FTO: variants seen among roughly 807,000 people sequenced by gnomAD.
FTO encodes the protein alpha-ketoglutarate-dependent dioxygenase FTO.
FTO carries 47 observed loss-of-function variants against 63.9 expected under a neutral mutation model. The ratio of observed to expected loss-of-function variants is 0.74; its 90% CI spans 0.58 to 0.94. The LOEUF is 0.94. Among genes scored for constraint, FTO ranks in the 40% least tolerant of loss-of-function variants. The pLI is 0.00. For missense variants in FTO, 562 were observed against 618.1 expected (o/e 0.91, Z 0.96); for synonymous variants, 207 against 224.4 (o/e 0.92, Z 0.69).
At chr16:54,068,280 G>GT (rs1185053792) in intron 8 of FTO, among the ~76,000 whole-genome samples, 4 of 151,452 alleles carry the variant, frequency 2.6e-5, no homozygotes, top group Middle Eastern at 3.4e-3. Context: ...CTCTCCCATG[G>GT]TTTTTTCTAG....
chr16:54,100,650 G>A (rs1180308238), intron 8 of FTO, among the ~76,000 whole-genome samples: 1 of 152,200 alleles, frequency 6.6e-6, no homozygotes, highest in Admixed American at 6.5e-5. Context: ...ACTGTGCCAA[G>A]CCTTATTGGC....
chr16:54,078,245 G>A (rs1198080459), intron 8 of FTO, among the ~76,000 whole-genome samples: 1 of 150,854 alleles, frequency 6.6e-6, no homozygotes, highest in Non-Finnish European at 1.5e-5. Context: ...ACACATATAT[G>A]TATATGTAAA....
chr16:53,997,702 ATC>A (rs557283532), intron 8 of FTO, among the ~76,000 whole-genome samples: 804 of 75,158 alleles, frequency 0.011, 13 homozygotes, highest in African/African-American at 0.076. Context: ...TTTGATTTGG[ATC>A]TTTTTTTTTT....
chr16:54,062,320 C>T (rs1599299302), intron 8 of FTO, among the ~76,000 whole-genome samples: 1 of 152,076 alleles, frequency 6.6e-6, no homozygotes, highest in Non-Finnish European at 1.5e-5. Context: ...CAGGCTTGGC[C>T]GTTAACACCT....
rs562095773 is a variant in FTO, at chr16:53,772,039, G to A, written c.46-38101G>A. 3.5e-4 allele frequency among the ~76,000 whole-genome samples: 53 copies of A among 152,178 alleles called. 1 individual carries two copies. In the South Asian group the frequency reaches 9.1e-3, roughly 26 times the overall value. ...TGTTCTGAAATTAAGTAGTGGTGAC[G>A]ATTGCATAACTCTATGAATATACTT... On this transcript the variant is annotated intron_variant, in intron 1 of 8. Transcript: ENST00000471389.
intron 1 of FTO, among the ~76,000 whole-genome samples, chr16:53,732,574 A>G (rs1361077922): frequency 6.6e-6 from 1 of 152,210 alleles, no homozygotes; most frequent in African/African-American, 2.4e-5. Context: ...TAAGGGCAGG[A>G]ACTTCTTATC....
intron 4 of FTO, among the ~76,000 whole-genome samples, chr16:53,862,591 A>T (rs2080207310): frequency 6.8e-6 from 1 of 145,998 alleles, no homozygotes; most frequent in Admixed American, 6.9e-5. Context: ...GCTGGAGTAC[A>T]TTGGTGTGAT....
intron 8 of FTO, among the ~76,000 whole-genome samples, chr16:54,011,306 T>C (rs940168306): frequency 6.6e-6 from 1 of 152,248 alleles, no homozygotes; most frequent in South Asian, 2.1e-4. Context: ...CTGATGACTT[T>C]CAGTTGCAAA....
At chr16:53,904,708 A>T (rs2081493348) in intron 7 of FTO, among the ~76,000 whole-genome samples, 1 of 151,912 alleles carries the variant, frequency 6.6e-6, no homozygotes, top group Admixed American at 6.6e-5. Flanking sequence ...ACTTTGCCTG[A>T]TTTTCTGTTT....
At chr16:53,933,845 C>T in intron 7 of FTO, 140 bp from the exon 8 acceptor site, 3 of 789,598 alleles carry the variant, frequency 3.8e-6, no homozygotes, top group East Asian at 2.7e-5. Context: ...CCATTTTTGG[C>T]CATCATTTAC....
chr16:53,816,423 A>G (rs2078690576), intron 2 of FTO, among the ~76,000 whole-genome samples: 1 of 152,044 alleles, frequency 6.6e-6, no homozygotes, highest in South Asian at 2.1e-4. Context: ...AGGACCTGAC[A>G]TGCACCCACA....
At chr16:53,902,248 G>A (rs1344961995) in intron 7 of FTO, among the ~76,000 whole-genome samples, 1 of 152,138 alleles carries the variant, frequency 6.6e-6, no homozygotes, top group African/African-American at 2.4e-5. Context: ...CTGACAAGCT[G>A]AGGTCCAAGT....
intron 1 of FTO, among the ~76,000 whole-genome samples, chr16:53,776,243 T>A (rs2077456248): frequency 6.6e-6 from 1 of 152,176 alleles, no homozygotes; most frequent in African/African-American, 2.4e-5. Flanking sequence ...GCATTGCAGT[T>A]TGCTGAAGTG....
chr16:53,744,510 G>A (rs1273221130), intron 1 of FTO, among the ~76,000 whole-genome samples: 1 of 152,148 alleles, frequency 6.6e-6, no homozygotes, highest in Non-Finnish European at 1.5e-5. Flanking sequence ...TGAGATGAGA[G>A]AGCCTTGTCA....
intron 1 of FTO, among the ~76,000 whole-genome samples, chr16:53,769,710 CT>C (rs1383788576): frequency 6.6e-6 from 1 of 151,846 alleles, no homozygotes; most frequent in African/African-American, 2.4e-5. Flanking sequence ...ATGATTTTTG[CT>C]GCAAAAATCA....
intron 1 of FTO, among the ~76,000 whole-genome samples, chr16:53,781,421 G>C (rs1449908742): frequency 6.6e-6 from 1 of 152,210 alleles, no homozygotes. Flanking sequence ...TGAAAGGTCA[G>C]AGCCAAGAGT....
Position 53,784,029 on chromosome 16 carries a change from GA to G in FTO, c.46-26106del, listed in dbSNP as rs541530285. Among the ~76,000 whole-genome samples the G allele has an allele frequency of 2.3e-3, 350 of 152,226 alleles. 1 individual carries two copies. The highest frequency in any genetic ancestry group is 8.0e-3 in the African/African-American group (334 of 41,536). On this transcript the variant is annotated intron_variant, in intron 1 of 8. Transcript: ENST00000471389. ...GAGATGGGCCCTTGGAAACTGTATT[GA>G]AAAACAGTAACTCTATAGTCACTTA... is the stretch of plus-strand genomic sequence containing the variant.
chr16:53,761,892 T>A (rs1042194694), intron 1 of FTO, among the ~76,000 whole-genome samples: 3 of 152,240 alleles, frequency 2.0e-5, no homozygotes, highest in African/African-American at 7.2e-5. Flanking sequence ...TTACTTTATT[T>A]TTATATGTGT....
intron 7 of FTO, among the ~76,000 whole-genome samples, chr16:53,928,240 G>A (rs145140598): frequency 8.5e-5 from 13 of 152,298 alleles, no homozygotes; most frequent in African/African-American, 2.9e-4. Context: ...TTAGCCACCA[G>A]GACACGTTTC....
Sources: gnomAD v4.1 joint callset for allele counts (sites outside exome capture counted in the v4.1 genomes callset) on GRCh38, gnomAD v4.1.1 for gene constraint, MANE v1.5 for transcripts, NCBI Gene and HGNC (gene_info 2026-07-23, HGNC 2026-07-21) for gene names.